COL9A2: variants seen among roughly 807,000 people sequenced by gnomAD.
COL9A2 encodes the protein collagen type IX alpha 2 chain.
A neutral mutation model predicts 111.6 loss-of-function variants in COL9A2; 66 were observed. The observed-to-expected ratio is 0.59, with a 90% CI of 0.48 to 0.73. The LOEUF (loss-of-function observed/expected upper bound fraction) is 0.73. COL9A2 is among the 30% of genes least tolerant of loss of function. The probability of loss-of-function intolerance (pLI) is 0.00; values close to 1 mark genes in which losing one functional copy is unlikely to be tolerated. For missense variants in COL9A2, 881 were observed against 954.1 expected (o/e 0.92, Z 1.01); for synonymous variants, 353 against 364.1 (o/e 0.97, Z 0.35).
At chr1:40,304,684 A>G (rs1023294443) in intron 22 of COL9A2, 110 bp downstream of exon 22, 8 of 1,391,614 alleles carry the variant, frequency 5.7e-6, no homozygotes, top group Non-Finnish European at 7.0e-6. Flanking sequence ...AAGCAAACCT[A>G]GGCCCTGCCT....
In COL9A2 at chr1:40,301,405, C is replaced by T. The variant is rs1395014672; in HGVS notation, c.1871-24G>A. 1.9e-6 allele frequency: 3 copies of T among 1,589,400 alleles called. No homozygotes were observed. In the African/African-American group the frequency reaches 4.1e-5, roughly 22 times the overall value. On this transcript the variant is annotated intron_variant, in intron 31 of 31. Coordinates refer to ENST00000372748, the MANE Select transcript of COL9A2 (RefSeq NM_001852.4). Reference sequence around the variant, plus strand: ...TCCTGTGAACAGGAGAAAGTCAAGACATTAGGGGCACCTCTTGTCTCAGGC... The same window carrying T: ...TCCTGTGAACAGGAGAAAGTCAAGATATTAGGGGCACCTCTTGTCTCAGGC...
Position 40,316,734 on chromosome 1 carries a change from C to G in COL9A2, c.75+389G>C. On this transcript the variant is annotated intron_variant, in intron 1 of 31. Coordinates refer to ENST00000372748, the MANE Select transcript of COL9A2 (RefSeq NM_001852.4). The surrounding 1 kb of genome is among the most constrained non-coding windows in gnomAD (Gnocchi z 5.5). ...CCGAGAGGCCGCCTCGGGGCGACAG[C>G]GGCGTCTGGTTGGAGCCGGCGCCCC... 1 of 367,766 alleles carries G rather than the reference C, an allele frequency of 2.7e-6. No individual in the cohort carries two copies. The highest frequency in any genetic ancestry group is 5.1e-6 in the Non-Finnish European group (1 of 196,710). 22.8% of individuals were successfully genotyped at this position (367,766 alleles called of 1,614,324 possible). A position where few individuals can be genotyped will look rare whatever the true frequency, so the allele number is the denominator to read the frequency against.
Position 40,304,720 on chromosome 1 carries a change from G to A in COL9A2, c.1161+74C>T, listed in dbSNP as rs1470831460. Reference sequence around the variant, plus strand: ...GGGGAGGCATCTCACGGGCTGCACGGAGCAGATGCTGTATCCAGCAGTGCC... The same window carrying A: ...GGGGAGGCATCTCACGGGCTGCACGAAGCAGATGCTGTATCCAGCAGTGCC... On this transcript the variant is annotated intron_variant, in intron 22 of 31. Transcript: ENST00000372748. 8 of 1,455,786 alleles carry A rather than the reference G, an allele frequency of 5.5e-6. 1 individual carries two copies. Among genetic ancestry groups the A allele is most frequent in the Admixed American group, 3.9e-5 (2 of 50,730 alleles). The allele number at this position is 1,455,786 out of a possible 1,614,324, so 90.2% of individuals were successfully genotyped here.
intron 20 of COL9A2, 110 bp downstream of exon 20, chr1:40,306,033 G>T: frequency 1.5e-6 from 2 of 1,295,834 alleles, no homozygotes; most frequent in Non-Finnish European, 2.2e-6. Flanking sequence ...AGGCCCAAGG[G>T]GCTTATGTTC....
rs150814999 is a variant in COL9A2 at position 40,309,620 on chromosome 1, C to T, written c.846+318G>A. 3.7e-3 allele frequency among the ~76,000 whole-genome samples: 555 copies of T among 151,926 alleles called. 3 individuals carry two copies. The highest frequency in any genetic ancestry group is 0.012 in the African/African-American group (509 of 41,428). On this transcript the variant is annotated intron_variant, in intron 16 of 31. Coordinates refer to ENST00000372748, the MANE Select transcript of COL9A2 (RefSeq NM_001852.4). The stretch of plus-strand genomic sequence containing the variant: ...CAGATGGTCCTCCCCAGCAGGTCAC[C>T]CACTTGGGCAGACACACACACACTC...
chr1:40,303,502 G>C lies in COL9A2; in HGVS notation c.1548+28C>G, dbSNP rs76810153. 1 of 1,612,378 alleles carries C rather than the reference G, an allele frequency of 6.2e-7. No homozygotes were observed. Among genetic ancestry groups the C allele is most frequent in the Non-Finnish European group, 8.5e-7 (1 of 1,179,772 alleles). On this transcript the variant is annotated intron_variant, in intron 28 of 31. Coordinates refer to ENST00000372748, the MANE Select transcript of COL9A2 (RefSeq NM_001852.4). This position sits in a 1 kb window ranked among gnomAD's most constrained non-coding sequence, Gnocchi z 4.6. ...CCCAGAACAGATCTACCTAGAAGAA[G>C]CACCTCCTACCCCGGGGCCCGACTC...
At chr1:40,306,931 G>A (rs1247700711) in intron 19 of COL9A2, among the ~76,000 whole-genome samples, 3 of 148,000 alleles carry the variant, frequency 2.0e-5, no homozygotes, top group African/African-American at 5.0e-5. Context: ...TGCAACCTCC[G>A]CCTCCTGGGC....
chr1:40,302,699 G>T lies in COL9A2; in HGVS notation c.1714C>A (p.Pro572Thr), dbSNP rs1325843754. ...CCCCGAGGGCCAGGGTGCCCATGGG[G>T]GCCCTGCTTGCCTGGGTACCCAGGG... ...GPPGYPGKQGPHGHPGPRGVP... is the reference protein window; with the variant it reads ...GPPGYPGKQGTHGHPGPRGVP... The change falls in exon 30 of 32, where the codon CCC becomes ACC. Residue 572 changes from proline (P) to threonine (T), a missense_variant. Transcript: ENST00000372748. This position sits in a 1 kb window ranked among gnomAD's most constrained non-coding sequence, Gnocchi z 4.5. 1.3e-6 allele frequency: 2 copies of T among 1,589,266 alleles called. No homozygotes were observed. The highest frequency in any genetic ancestry group is 3.5e-5 in the Admixed American group (2 of 57,232).
Position 40,311,184 on chromosome 1 carries a change from C to T in COL9A2, c.577-38G>A, listed in dbSNP as rs1285878664. On this transcript the variant is annotated intron_variant, in intron 11 of 31. Transcript: ENST00000372748. The surrounding 1 kb of genome is among the most constrained non-coding windows in gnomAD (Gnocchi z 5.1). The stretch of plus-strand genomic sequence containing the variant: ...AGAGAGCTCAATACGAGGTCCCCTC[C>T]TGTCACCTGCACCACCCTCCCAAGA... 1 of 1,614,220 alleles carries T rather than the reference C, an allele frequency of 6.2e-7. No individual in the cohort carries two copies. The highest frequency in any genetic ancestry group is 1.1e-5 in the South Asian group (1 of 91,090).
chr1:40,315,648 T>C lies in COL9A2; in HGVS notation c.92A>G (p.Glu31Gly). 6.4e-7 allele frequency: 1 copy of C among 1,553,520 alleles called. No individual in the cohort carries two copies. The highest frequency in any genetic ancestry group is 8.7e-7 in the Non-Finnish European group (1 of 1,147,724). Residue 31 changes from glutamate to glycine, a missense_variant, in exon 2 of 32, where the codon GAG (glutamate) becomes GGG (glycine). By Grantham distance (98) the Glu-to-Gly change is moderately conservative. Coordinates refer to ENST00000372748, the MANE Select transcript of COL9A2 (RefSeq NM_001852.4). ...TCCCGGGGGACCCGGGGGGCCCCGC[T>C]CTCCCGGTGGACCTCTCTGAAAAAC... ...ALAQIRGPPG[E>G]RGPPGPPGPP...
chr1:40,305,061 CT>C (rs869251364), intron 21 of COL9A2: 10,247 of 122,724 alleles, frequency 0.083, 22 homozygotes, highest in South Asian at 0.16. Flanking sequence ...TTCTTTCTTT[CT>C]TTTTTTTTTT....
intron 1 of COL9A2, 21 bp from the exon 2 acceptor site, chr1:40,315,685 G>C: frequency 6.5e-7 from 1 of 1,542,700 alleles, no homozygotes; most frequent in Non-Finnish European, 8.8e-7. Context: ...CACACGGGGT[G>C]GGGCAGTCCT....
intron 31 of COL9A2, 91 bp downstream of exon 31, chr1:40,301,721 T>G: frequency 7.1e-6 from 9 of 1,259,410 alleles, no homozygotes; most frequent in Non-Finnish European, 9.1e-6. Context: ...TGGCTGAGCG[T>G]GAGGCCGCCA....
Position 40,315,366 on chromosome 1 carries a change from G to A in COL9A2, c.150+224C>T, listed in dbSNP as rs1846158. On this transcript the variant is annotated intron_variant, in intron 2 of 31. Transcript: ENST00000372748. ...GCTGCGGCCGGCGGACTGAACAGCAGCTCCTTGTCTGTCGGCGGCTATAAC... is the reference window on the plus strand; with the variant it reads ...GCTGCGGCCGGCGGACTGAACAGCAACTCCTTGTCTGTCGGCGGCTATAAC... 0.17 allele frequency: 240,303 copies of A among 1,381,100 alleles called. 24,357 individuals are homozygous for A. The highest frequency in any genetic ancestry group is 0.54 in the East Asian group (19,265 of 35,660). 85.6% of individuals were successfully genotyped at this position (1,381,100 alleles called of 1,614,324 possible).
At chr1:40,309,757 T>G (rs1644088865) in intron 16 of COL9A2, among the ~76,000 whole-genome samples, 181 bp downstream of exon 16, 1 of 151,622 alleles carries the variant, frequency 6.6e-6, no homozygotes, top group Non-Finnish European at 1.5e-5. Flanking sequence ...ACATACACAC[T>G]GTACACATAC....
chr1:40,312,479 C>T lies in COL9A2; in HGVS notation c.340G>A (p.Gly114Ser), dbSNP rs1357773752. 2.5e-6 allele frequency: 4 copies of T among 1,613,870 alleles called. No homozygotes were observed. The South Asian group carries it at 4.4e-5, about 18-fold the overall frequency. ...ACAGGAGGTCCAGCAAAACCAGGGCCCTGGAACAGAAAGAAAGAAAATTGG... is the reference window on the plus strand; with the variant it reads ...ACAGGAGGTCCAGCAAAACCAGGGCTCTGGAACAGAAAGAAAGAAAATTGG... ...PGLPGPPGLP[G>S]PGFAGPPGPP... Residue 114 changes from glycine to serine, a missense_variant and splice_region_variant, in exon 7 of 32, where the codon GGC (glycine) becomes AGC (serine). Transcript: ENST00000372748. This position sits in a 1 kb window ranked among gnomAD's most constrained non-coding sequence, Gnocchi z 6.0.
Position 40,312,516 on chromosome 1 carries a change from C to G in COL9A2, c.340-37G>C. 1 of 1,613,950 alleles carries G rather than the reference C, an allele frequency of 6.2e-7. No homozygotes were observed. Among genetic ancestry groups the G allele is most frequent in the East Asian group, 2.2e-5 (1 of 44,880 alleles). On this transcript the variant is annotated intron_variant, in intron 6 of 31. Coordinates refer to ENST00000372748, the MANE Select transcript of COL9A2 (RefSeq NM_001852.4). The surrounding 1 kb of genome is among the most constrained non-coding windows in gnomAD (Gnocchi z 6.0). The stretch of plus-strand genomic sequence containing the variant: ...AGAAAGAAAATTGGCTTCATGGCTC[C>G]CTCTGCAGGTCCCCTCTCCCCCAAG...
chr1:40,312,328 T>C lies in COL9A2; in HGVS notation c.363+128A>G. The C allele has an allele frequency of 7.4e-7, 1 of 1,343,442 alleles. No homozygotes were observed. The highest frequency in any genetic ancestry group is 1.0e-6 in the Non-Finnish European group (1 of 958,956). 83.2% of individuals were successfully genotyped at this position (1,343,442 alleles called of 1,614,324 possible). A position where few individuals can be genotyped will look rare whatever the true frequency, so the allele number is the denominator to read the frequency against. On this transcript the variant is annotated intron_variant, in intron 7 of 31. Coordinates refer to ENST00000372748, the MANE Select transcript of COL9A2 (RefSeq NM_001852.4). This position sits in a 1 kb window ranked among gnomAD's most constrained non-coding sequence, Gnocchi z 6.0. The stretch of plus-strand genomic sequence containing the variant: ...GGGCTGGCCCTGGGTCTCTGGCAGG[T>C]CCACTTATTCCTGACACTATCACAG...
chr1:40,311,158 G>C lies in COL9A2; in HGVS notation c.577-12C>G, dbSNP rs1416821856. 4.3e-6 allele frequency: 7 copies of C among 1,614,086 alleles called. No homozygotes were observed. Among genetic ancestry groups the C allele is most frequent in the African/African-American group, 1.3e-5 (1 of 74,930 alleles). ...TTGCCCGCATGCCCCTGAAGGGAAG[G>C]AGAGAGCTCAATACGAGGTCCCCTC... is the stretch of plus-strand genomic sequence containing the variant. On this transcript the variant is annotated splice_polypyrimidine_tract_variant and intron_variant, in intron 11 of 31. Coordinates refer to ENST00000372748, the MANE Select transcript of COL9A2 (RefSeq NM_001852.4). This position sits in a 1 kb window ranked among gnomAD's most constrained non-coding sequence, Gnocchi z 5.1.
Sources: allele counts gnomAD v4.1 joint callset (sites outside exome capture counted in the v4.1 genomes callset), GRCh38; gene constraint gnomAD v4.1.1; non-coding constraint Gnocchi (gnomAD v3.1); transcripts MANE v1.5; gene names NCBI Gene and HGNC (gene_info 2026-07-23, HGNC 2026-07-21).